STAT5B: variants seen among roughly 807,000 people sequenced by gnomAD.
STAT5B encodes transcription factor STAT5B.
In STAT5B, 21 loss-of-function variants were observed where a neutral mutation model predicts 107.8. The ratio of observed to expected loss-of-function variants is 0.19; its 90% CI spans 0.14 to 0.28. STAT5B has a LOEUF of 0.28. STAT5B is among the 10% of genes least tolerant of loss of function. The pLI is 1.00. For missense variants in STAT5B, 565 were observed against 1,008.2 expected (o/e 0.56, Z 5.95); for synonymous variants, 325 against 401.7 (o/e 0.81, Z 2.28).
At chr17:42,247,495 C>T (rs2144347583) in intron 1 of STAT5B, among the ~76,000 whole-genome samples, 1 of 152,332 alleles carries the variant, frequency 6.6e-6, no homozygotes, top group East Asian at 1.9e-4. Context: ...AGAAACGCTT[C>T]ATCAGCTGGT....
intron 18 of STAT5B, 45 bp downstream of exon 18, chr17:42,202,295 G>T (rs1444705875): frequency 6.2e-7 from 1 of 1,610,682 alleles, no homozygotes; most frequent in East Asian, 2.2e-5. Context: ...CTGGGGCCAA[G>T]CCCCCAGTTC....
intron 1 of STAT5B, among the ~76,000 whole-genome samples, chr17:42,254,206 T>G (rs2080522700): frequency 6.6e-6 from 1 of 151,960 alleles, no homozygotes; most frequent in Non-Finnish European, 1.5e-5. Context: ...CAAGACCTCA[T>G]CTCTACAAAA....
rs1004994962 is a variant in STAT5B at position 42,265,372 on chromosome 17, C to T, written c.-11+10876G>A. 1.8e-4 allele frequency among the ~76,000 whole-genome samples: 19 copies of T among 103,418 alleles called. 1 individual carries two copies. The highest frequency in any genetic ancestry group is 8.5e-4 in the African/African-American group (18 of 21,124). 67.8% of individuals were successfully genotyped at this position (103,418 alleles called of 152,430 possible). A position where few individuals can be genotyped will look rare whatever the true frequency, so the allele number is the denominator to read the frequency against. Reference sequence around the variant, plus strand: ...AAACTGCTAAGTCAAAGGGTATGTACTCTTCTTTTTTTTTTTTGAGACGAA... The same window carrying T: ...AAACTGCTAAGTCAAAGGGTATGTATTCTTCTTTTTTTTTTTTGAGACGAA... On this transcript the variant is annotated intron_variant, in intron 1 of 18. Transcript: ENST00000293328.
At chr17:42,271,803 A>G (rs1003479718) in intron 1 of STAT5B, 6 of 152,240 alleles carry the variant, frequency 3.9e-5, no homozygotes, top group African/African-American at 1.4e-4. Context: ...TATGTGACAA[A>G]TTATAACTTC....
At position 42,262,853 on chromosome 17, in the gene STAT5B, T is replaced by TACAC. The variant is rs200650732; in HGVS notation, c.-11+13391_-11+13394dup. Among the ~76,000 whole-genome samples the TACAC allele has an allele frequency of 7.7e-5, 7 of 90,748 alleles. 1 individual carries two copies. Among genetic ancestry groups the TACAC allele is most frequent in the African/African-American group, 3.9e-4 (7 of 17,850 alleles). The allele number at this position is 90,748 out of a possible 152,430, so 59.5% of individuals were successfully genotyped here. A position where few individuals can be genotyped will look rare whatever the true frequency, so the allele number is the denominator to read the frequency against. ...ATATATACACACATATATATGTATA[T>TACAC]ACACACATATATGTGTGTGTATATA... On this transcript the variant is annotated intron_variant, in intron 1 of 18. Transcript: ENST00000293328.
At chr17:42,250,816 C>T (rs527963788) in intron 1 of STAT5B, among the ~76,000 whole-genome samples, 7 of 150,638 alleles carry the variant, frequency 4.6e-5, no homozygotes, top group Non-Finnish European at 7.4e-5. Context: ...CCCAGCTACT[C>T]GGGAGGCTGA....
intron 2 of STAT5B, among the ~76,000 whole-genome samples, chr17:42,228,560 A>G (rs1036804857): frequency 9.2e-5 from 14 of 152,230 alleles, no homozygotes; most frequent in African/African-American, 3.1e-4. Context: ...AGATAGTGGT[A>G]GCTAAAAGGC....
intron 15 of STAT5B, among the ~76,000 whole-genome samples, chr17:42,208,825 G>A (rs746595504): frequency 1.5e-3 from 222 of 149,306 alleles, no homozygotes; most frequent in Non-Finnish European, 1.7e-3. Flanking sequence ...TCCGCCTCCC[G>A]GGTTCACGCC....
chr17:42,238,248 C>G (rs920522369), intron 1 of STAT5B, among the ~76,000 whole-genome samples: 1 of 151,608 alleles, frequency 6.6e-6, no homozygotes, highest in Admixed American at 6.6e-5. Flanking sequence ...ATACTCCTAC[C>G]TCAGCCACCC....
chr17:42,220,076 G>C (rs1201187629), intron 5 of STAT5B, among the ~76,000 whole-genome samples: 1 of 152,194 alleles, frequency 6.6e-6, no homozygotes, highest in Non-Finnish European at 1.5e-5. Context: ...GGGGGCACAC[G>C]GGTGCTGGGG....
the STAT5B span, among the ~76,000 whole-genome samples, chr17:42,286,877 T>C: frequency 6.6e-6 from 1 of 152,212 alleles, no homozygotes; most frequent in South Asian, 2.1e-4. Flanking sequence ...CTGGCCTTTG[T>C]TTTTCCACTT....
Position 42,255,088 on chromosome 17 carries a change from TAA to T in STAT5B, c.-11+21158_-11+21159del, listed in dbSNP as rs542388692. ...CCTGGCAATGGAGCGAGACTCCGTC[TAA>T]AAAAAAAAAAGTTTCTTAACTGTCG... On this transcript the variant is annotated intron_variant, in intron 1 of 18. Coordinates refer to ENST00000293328, the MANE Select transcript of STAT5B (RefSeq NM_012448.4). Among the ~76,000 whole-genome samples, 7 of 145,078 alleles carry T rather than the reference TAA, an allele frequency of 4.8e-5. No individual in the cohort carries two copies. The East Asian group carries it at 6.0e-4, about 12-fold the overall frequency.
upstream of STAT5B, among the ~76,000 whole-genome samples, chr17:42,277,427 C>CA (rs1259457930): frequency 6.6e-6 from 1 of 152,200 alleles, no homozygotes; most frequent in Admixed American, 6.5e-5. Flanking sequence ...CAAGTTCTCC[C>CA]ATAGTCCTCC....
chr17:42,216,007 C>G lies in STAT5B; in HGVS notation c.1473+7G>C. ...TTGGGACCCACATGCCCGAGGAATA[C>G]ACTCACAGGCTCTGCAAAAGCATTG... On this transcript the variant is annotated splice_region_variant and intron_variant, in intron 12 of 18. Transcript: ENST00000293328. 6.2e-7 allele frequency: 1 copy of G among 1,613,852 alleles called. No homozygotes were observed. The highest frequency in any genetic ancestry group is 1.1e-5 in the South Asian group (1 of 91,028).
At position 42,224,763 on chromosome 17, in the gene STAT5B, C is replaced by T. The variant is rs1289508789; in HGVS notation, c.375+16G>A. ...AGACTTCCCGACTGCCCTCCCCATCCCTATGGGACACTCACATTGTTGGCT... is the reference window on the plus strand; with the variant it reads ...AGACTTCCCGACTGCCCTCCCCATCTCTATGGGACACTCACATTGTTGGCT... On this transcript the variant is annotated intron_variant, in intron 4 of 18. Transcript: ENST00000293328. 5 of 1,613,394 alleles carry T rather than the reference C, an allele frequency of 3.1e-6. No homozygotes were observed. Among genetic ancestry groups the T allele is most frequent in the Non-Finnish European group, 4.2e-6 (5 of 1,179,512 alleles).
intron 1 of STAT5B, chr17:42,270,593 C>T (rs2080715171): frequency 6.6e-6 from 1 of 151,846 alleles, no homozygotes; most frequent in Non-Finnish European, 1.5e-5. Flanking sequence ...TATTTATCAC[C>T]ATCTTCATCA....
intron 1 of STAT5B, chr17:42,271,866 G>GT (rs937788743): frequency 6.6e-6 from 1 of 152,140 alleles, no homozygotes; most frequent in African/African-American, 2.4e-5. Context: ...GATACTCCAA[G>GT]TATTAACTTC....
intron 1 of STAT5B, among the ~76,000 whole-genome samples, chr17:42,262,964 GTGTGTGTATA>G (rs1325501971): frequency 3.6e-4 from 14 of 39,366 alleles, no homozygotes; most frequent in South Asian, 1.3e-3. Context: ...GTGTGTGTGT[GTGTGTGTATA>G]TATATATATA....
At chr17:42,233,117 G>T (rs1181162799) in intron 1 of STAT5B, among the ~76,000 whole-genome samples, 1 of 152,116 alleles carries the variant, frequency 6.6e-6, no homozygotes, top group African/African-American at 2.4e-5. Flanking sequence ...GGTTATAGGT[G>T]TGAGCCACTG....
Sources: gnomAD v4.1 joint callset for allele counts (sites outside exome capture counted in the v4.1 genomes callset) on GRCh38, gnomAD v4.1.1 for gene constraint, MANE v1.5 for transcripts, NCBI Gene and HGNC (gene_info 2026-07-23, HGNC 2026-07-21) for gene names.